ZPBP: variants seen among roughly 807,000 people sequenced by gnomAD.
The protein encoded by ZPBP is zona pellucida-binding protein 1.
In ZPBP, 26 loss-of-function variants were observed where a neutral mutation model predicts 44.8. The ratio of observed to expected loss-of-function variants is 0.58; its 90% CI spans 0.43 to 0.81. ZPBP has a LOEUF of 0.81. Ranked by LOEUF, ZPBP falls within the 30% of genes least tolerant of loss-of-function variation. ZPBP has a pLI of 0.00. For synonymous variants in ZPBP, 174 were observed against 153.2 expected (o/e 1.14, Z -1.00); for missense variants, 409 against 434.0 (o/e 0.94, Z 0.51).
chr7:49,864,791 G>A (rs1790810178), intron 2 of ZPBP, among the ~76,000 whole-genome samples: 1 of 152,230 alleles, frequency 6.6e-6, no homozygotes, highest in Admixed American at 6.5e-5. Context: ...TGGGAATGGA[G>A]ACTGCTGCTG....
chr7:50,056,391 G>T, intron 4 of ZPBP: 1 of 152,000 alleles, frequency 6.6e-6, no homozygotes, highest in African/African-American at 2.4e-5. Flanking sequence ...TCCTTTTTCT[G>T]CCTTTGACCC....
chr7:50,026,592 C>A (rs903900002), intron 5 of ZPBP, among the ~76,000 whole-genome samples: 7 of 151,736 alleles, frequency 4.6e-5, no homozygotes, highest in African/African-American at 1.7e-4. Flanking sequence ...ATCTGAGAAA[C>A]AAAAATAGAT....
chr7:50,066,927 T>A (rs1319132737), intron 3 of ZPBP, among the ~76,000 whole-genome samples: 5 of 151,986 alleles, frequency 3.3e-5, no homozygotes, highest in Admixed American at 2.6e-4. Context: ...TCGTCGGGAG[T>A]CACTACTGCC....
intron 6 of ZPBP, among the ~76,000 whole-genome samples, chr7:50,009,309 T>C (rs1271578385): frequency 2.6e-5 from 4 of 151,680 alleles, no homozygotes; most frequent in Non-Finnish European, 5.9e-5. Flanking sequence ...CCCTGATATT[T>C]CAACGTCCTC....
intron 7 of ZPBP, among the ~76,000 whole-genome samples, chr7:49,946,584 A>C (rs1037894563): frequency 2.0e-5 from 3 of 151,836 alleles, no homozygotes; most frequent in Non-Finnish European, 4.4e-5. Flanking sequence ...CTGGAGCTCC[A>C]TTGTATGTTG....
At chr7:49,960,957 T>C (rs1373586739) in intron 7 of ZPBP, among the ~76,000 whole-genome samples, 1 of 152,158 alleles carries the variant, frequency 6.6e-6, no homozygotes, top group Non-Finnish European at 1.5e-5. Context: ...AGTGGCTGTA[T>C]AACACAAAAT....
At chr7:49,979,004 C>A (rs1028613297) in intron 7 of ZPBP, among the ~76,000 whole-genome samples, 1 of 151,704 alleles carries the variant, frequency 6.6e-6, no homozygotes, top group South Asian at 2.1e-4. Context: ...TAAGATGGCA[C>A]AAAATGAAAT....
chr7:49,995,334 C>CA (rs1412713398), intron 6 of ZPBP, among the ~76,000 whole-genome samples: 2 of 152,136 alleles, frequency 1.3e-5, no homozygotes, highest in African/African-American at 4.8e-5. Flanking sequence ...CAGCTGAAAA[C>CA]AAACTGCTTC....
chr7:50,050,759 AGCCTGGAC>A (rs958552543), intron 4 of ZPBP, among the ~76,000 whole-genome samples: 1 of 134,380 alleles, frequency 7.4e-6, no homozygotes, highest in African/African-American at 2.7e-5. Flanking sequence ...ACTGCACTCC[AGCCTGGAC>A]GACAGAGCGA....
chr7:49,935,181 A>C (rs1583868658), downstream of ZPBP, among the ~76,000 whole-genome samples: 1 of 152,152 alleles, frequency 6.6e-6, no homozygotes. Context: ...CATTAATTTA[A>C]AAAATTATTA....
intron 5 of ZPBP, among the ~76,000 whole-genome samples, chr7:50,025,225 T>C (rs182103090): frequency 2.0e-3 from 311 of 152,020 alleles, no homozygotes; most frequent in African/African-American, 7.1e-3. Context: ...ATTTGATATA[T>C]ACTTTAAACT....
At chr7:49,875,384 A>AAAAAAAAAC (rs1286389599) in intron 2 of ZPBP, among the ~76,000 whole-genome samples, 2 of 149,722 alleles carry the variant, frequency 1.3e-5, no homozygotes, top group East Asian at 3.9e-4. Context: ...AAAAAAAAAA[A>AAAAAAAAAC]AAAAAAAAAA....
At chr7:50,033,299 C>T (rs1799684770) in intron 4 of ZPBP, among the ~76,000 whole-genome samples, 1 of 151,962 alleles carries the variant, frequency 6.6e-6, no homozygotes, top group African/African-American at 2.4e-5. Context: ...CAGTTGAAAA[C>T]ACATATTACA....
chr7:50,030,429 A>ATTTT (rs1799552452), intron 5 of ZPBP, among the ~76,000 whole-genome samples: 1 of 152,122 alleles, frequency 6.6e-6, no homozygotes, highest in Non-Finnish European at 1.5e-5. Context: ...AGATGGCCAA[A>ATTTT]AAAGAAAGAG....
intron 2 of ZPBP, among the ~76,000 whole-genome samples, chr7:50,088,092 G>A (rs1802761869): frequency 6.6e-6 from 1 of 151,946 alleles, no homozygotes; most frequent in African/African-American, 2.4e-5. Flanking sequence ...ATAAATCAAT[G>A]GTATAGAATT....
intron 7 of ZPBP, among the ~76,000 whole-genome samples, 194 bp downstream of exon 7, chr7:49,983,148 T>C (rs1263572601): frequency 1.3e-5 from 2 of 152,068 alleles, no homozygotes; most frequent in African/African-American, 4.8e-5. Flanking sequence ...GTAATATTAA[T>C]ACCAAGGCCA....
intron 4 of ZPBP, among the ~76,000 whole-genome samples, chr7:50,053,418 A>G (rs1316028395): frequency 6.6e-6 from 1 of 152,242 alleles, no homozygotes; most frequent in Non-Finnish European, 1.5e-5. Flanking sequence ...TTAAGAGCCA[A>G]CAATTCGAGT....
intron 7 of ZPBP, among the ~76,000 whole-genome samples, chr7:49,947,226 T>C (rs1469225459): frequency 6.6e-6 from 1 of 152,120 alleles, no homozygotes; most frequent in African/African-American, 2.4e-5. Context: ...GATGAGGTCA[T>C]GTTTTCCTGG....
At chr7:49,882,472 G>C (rs1239769680) in intron 2 of ZPBP, among the ~76,000 whole-genome samples, 1 of 152,118 alleles carries the variant, frequency 6.6e-6, no homozygotes, top group Non-Finnish European at 1.5e-5. Flanking sequence ...AAGAGAAAGA[G>C]AGGAAGGAAG....
Sources: allele counts gnomAD v4.1 joint callset (sites outside exome capture counted in the v4.1 genomes callset), GRCh38; gene constraint gnomAD v4.1.1; transcripts MANE v1.5; gene names NCBI Gene and HGNC (gene_info 2026-07-23, HGNC 2026-07-21).